SPPL3: variants seen among roughly 807,000 people sequenced by gnomAD.
SPPL3 encodes signal peptide peptidase like 3.
SPPL3 carries 5 observed loss-of-function variants against 42.4 expected under a neutral mutation model. The observed-to-expected ratio is 0.12, with a 90% CI of 0.06 to 0.25. The LOEUF (loss-of-function observed/expected upper bound fraction) is 0.25. Among genes scored for constraint, SPPL3 ranks in the 10% least tolerant of loss-of-function variants. SPPL3 has a pLI of 1.00. For synonymous variants in SPPL3, 195 were observed against 181.8 expected (o/e 1.07, Z -0.58); for missense variants, 235 against 489.0 (o/e 0.48, Z 4.90).
At chr12:120,772,685 T>C (rs889835016) in intron 6 of SPPL3, among the ~76,000 whole-genome samples, 1 of 152,196 alleles carries the variant, frequency 6.6e-6, no homozygotes, top group Non-Finnish European at 1.5e-5. Context: ...TGGCAGACCC[T>C]GGACACATCA....
chr12:120,845,276 T>G, intron 1 of SPPL3: 1 of 369,692 alleles, frequency 2.7e-6, no homozygotes, highest in Non-Finnish European at 5.5e-6. Flanking sequence ...AGGTCCTGCT[T>G]GTTGGCAAAC....
intron 1 of SPPL3, among the ~76,000 whole-genome samples, chr12:120,865,061 C>T (rs1225638638): frequency 1.3e-5 from 2 of 152,128 alleles, no homozygotes; most frequent in African/African-American, 4.8e-5. Flanking sequence ...AAGGTTTGAC[C>T]TTGAGGATCC....
chr12:120,847,345 T>A (rs1020503074), intron 1 of SPPL3, among the ~76,000 whole-genome samples: 1 of 152,086 alleles, frequency 6.6e-6, no homozygotes, highest in Non-Finnish European at 1.5e-5. Context: ...CAGGCTGGAG[T>A]GCAGTGGTGT....
chr12:120,832,831 G>C (rs993002701), intron 1 of SPPL3, among the ~76,000 whole-genome samples: 2 of 152,130 alleles, frequency 1.3e-5, no homozygotes, highest in African/African-American at 4.8e-5. Flanking sequence ...TTAGAGATTT[G>C]AGTTGCACAG....
chr12:120,860,837 C>A (rs1872598743), intron 1 of SPPL3, among the ~76,000 whole-genome samples: 1 of 152,080 alleles, frequency 6.6e-6, no homozygotes, highest in Admixed American at 6.5e-5. Flanking sequence ...CAACTACAGT[C>A]CTCCCTATCT....
intron 6 of SPPL3, among the ~76,000 whole-genome samples, chr12:120,780,201 G>A (rs556195689): frequency 6.6e-6 from 1 of 150,602 alleles, no homozygotes; most frequent in African/African-American, 2.4e-5. Flanking sequence ...AGTGCTGGGA[G>A]CCAATGCACT....
At chr12:120,833,601 G>C (rs1348410786) in intron 1 of SPPL3, among the ~76,000 whole-genome samples, 2 of 150,734 alleles carry the variant, frequency 1.3e-5, no homozygotes, top group African/African-American at 4.9e-5. Flanking sequence ...AAGCTGAAGT[G>C]GGAGGATCAC....
chr12:120,782,941 C>A (rs1869593857), intron 5 of SPPL3, among the ~76,000 whole-genome samples, 174 bp from the exon 6 acceptor site: 1 of 152,188 alleles, frequency 6.6e-6, no homozygotes, highest in Non-Finnish European at 1.5e-5. Context: ...CAGGAATATA[C>A]TTCTGCACCA....
chr12:120,863,345 C>T (rs1349791674), intron 1 of SPPL3, among the ~76,000 whole-genome samples: 1 of 139,926 alleles, frequency 7.1e-6, no homozygotes, highest in Admixed American at 7.0e-5. Flanking sequence ...GAGACTCCAT[C>T]TCAAAAGAAA....
At chr12:120,820,355 G>A (rs554835766) in intron 1 of SPPL3, among the ~76,000 whole-genome samples, 1 of 121,792 alleles carries the variant, frequency 8.2e-6, no homozygotes, top group Admixed American at 1.1e-4. Flanking sequence ...TCGCTCTGTC[G>A]CCCAGGCTGG....
intron 1 of SPPL3, among the ~76,000 whole-genome samples, chr12:120,884,365 A>C (rs567828321): frequency 1.3e-5 from 2 of 152,272 alleles, no homozygotes; most frequent in South Asian, 4.1e-4. Flanking sequence ...ATAAAAATGA[A>C]AGCACAGTAT....
Position 120,810,885 on chromosome 12 carries a change from C to G in SPPL3, c.25G>C (p.Ala9Pro), listed in dbSNP as rs762527649. MAEQTYSW[A>P]YSLVDSSQVS... ...TGACTGGAATCCACCAGGGAATAGG[C>G]CCTAGAGAAATAAGAGGAAAAAAAT... The change falls in exon 2 of 11, where the codon GCC becomes CCC. Residue 9 changes from alanine (A) to proline (P), a missense_variant and splice_region_variant. Coordinates refer to ENST00000353487, the MANE Select transcript of SPPL3 (RefSeq NM_139015.5). 8 of 1,611,858 alleles carry G rather than the reference C, an allele frequency of 5.0e-6. No individual in the cohort carries two copies. Among genetic ancestry groups the G allele is most frequent in the African/African-American group, 1.3e-5 (1 of 74,812 alleles).
intron 1 of SPPL3, chr12:120,835,780 A>G (rs2137021593): frequency 6.6e-6 from 1 of 152,324 alleles, no homozygotes; most frequent in South Asian, 2.1e-4. Flanking sequence ...AGAAACAGCT[A>G]GCCTGGGAAA....
intron 3 of SPPL3, among the ~76,000 whole-genome samples, chr12:120,785,914 C>CAAAAAA (rs11307959): frequency 3.5e-5 from 3 of 85,838 alleles, no homozygotes; most frequent in Non-Finnish European, 7.4e-5. Flanking sequence ...GAGTCCAAGG[C>CAAAAAA]AAAAAAAAAA....
At chr12:120,854,248 T>G (rs1165550730) in intron 1 of SPPL3, among the ~76,000 whole-genome samples, 1 of 152,098 alleles carries the variant, frequency 6.6e-6, no homozygotes, top group Admixed American at 6.5e-5. Flanking sequence ...AGCCAAGGGT[T>G]TACCATGAAG....
chr12:120,859,939 A>G (rs1364067618), intron 1 of SPPL3, among the ~76,000 whole-genome samples: 3 of 151,650 alleles, frequency 2.0e-5, no homozygotes, highest in Non-Finnish European at 4.4e-5. Flanking sequence ...CAAGACTCCA[A>G]CTCAAACAAA....
intron 6 of SPPL3, 43 bp downstream of exon 6, chr12:120,782,610 ACT>A (rs1869583448): frequency 5.7e-6 from 8 of 1,405,112 alleles, no homozygotes; most frequent in Non-Finnish European, 7.9e-6. Flanking sequence ...TATCTATAAA[ACT>A]CTATAAAGTA....
At chr12:120,898,801 T>A (rs960135708) in intron 1 of SPPL3, among the ~76,000 whole-genome samples, 2 of 152,224 alleles carry the variant, frequency 1.3e-5, no homozygotes, top group Non-Finnish European at 2.9e-5. Flanking sequence ...TCAATTTCCT[T>A]ACTTAGCAAT....
chr12:120,903,813 C>CGCCTCCCG, intron 1 of SPPL3, 32 bp downstream of exon 1: 1 of 1,457,542 alleles, frequency 6.9e-7, no homozygotes, highest in Non-Finnish European at 9.0e-7. Flanking sequence ...CCACCCTTGC[C>CGCCTCCCG]GCCTCCCGGC....
Sources: allele counts gnomAD v4.1 joint callset (sites outside exome capture counted in the v4.1 genomes callset), GRCh38; gene constraint gnomAD v4.1.1; transcripts MANE v1.5; gene names NCBI Gene and HGNC (gene_info 2026-07-23, HGNC 2026-07-21).